The following RABGAP1L variants were observed in gnomAD, a reference collection of about 807,000 sequenced individuals.
The protein encoded by RABGAP1L is RAB GTPase activating protein 1 like.
In RABGAP1L, 63 loss-of-function variants were observed where a neutral mutation model predicts 137.7. The ratio of observed to expected loss-of-function variants is 0.46; its 90% CI spans 0.37 to 0.56. The LOEUF is 0.56. RABGAP1L is among the 20% of genes least tolerant of loss of function. The pLI is 0.00. For missense variants in RABGAP1L, 1,095 were observed against 1,244.0 expected (o/e 0.88, Z 1.80); for synonymous variants, 431 against 433.7 (o/e 0.99, Z 0.08).
chr1:174,365,883 T>C (rs1184069511), intron 11 of RABGAP1L, among the ~76,000 whole-genome samples: 1 of 152,046 alleles, frequency 6.6e-6, no homozygotes, highest in Non-Finnish European at 1.5e-5. Context: ...TTCCAGGGAG[T>C]GTGGGGGTGT....
intron 13 of RABGAP1L, among the ~76,000 whole-genome samples, chr1:174,614,632 T>C (rs1331265898): frequency 3.3e-5 from 5 of 152,232 alleles, no homozygotes; most frequent in Non-Finnish European, 5.9e-5. Context: ...CCTGCCTTGC[T>C]AGATTGGGGA....
At chr1:174,779,594 A>C (rs1385531784) in intron 18 of RABGAP1L, among the ~76,000 whole-genome samples, 1 of 152,124 alleles carries the variant, frequency 6.6e-6, no homozygotes, top group Non-Finnish European at 1.5e-5. Context: ...AGCAAACTAC[A>C]CCCCATCTAA....
intron 15 of RABGAP1L, among the ~76,000 whole-genome samples, chr1:174,689,662 T>C (rs1004265635): frequency 1.3e-5 from 2 of 152,208 alleles, no homozygotes; most frequent in Admixed American, 1.3e-4. Context: ...TCTTTTGCTA[T>C]AGCTCCTGCA....
intron 17 of RABGAP1L, among the ~76,000 whole-genome samples, chr1:174,738,472 G>A (rs1683131117): frequency 6.6e-6 from 1 of 152,130 alleles, no homozygotes; most frequent in Admixed American, 6.5e-5. Context: ...GTGGTTTCTA[G>A]GGTCTGCAGA....
At chr1:174,391,122 G>C (rs1221063737) in intron 12 of RABGAP1L, among the ~76,000 whole-genome samples, 1 of 152,164 alleles carries the variant, frequency 6.6e-6, no homozygotes, top group Non-Finnish European at 1.5e-5. Flanking sequence ...CTTGAATCCA[G>C]TGGGGCATGG....
chr1:174,380,389 T>A (rs1324425937), intron 12 of RABGAP1L, among the ~76,000 whole-genome samples: 1 of 151,826 alleles, frequency 6.6e-6, no homozygotes, highest in African/African-American at 2.4e-5. Context: ...GTACCTCTGG[T>A]AGAATTCGGC....
At chr1:174,330,585 TAAAC>T (rs35691938) in intron 11 of RABGAP1L, among the ~76,000 whole-genome samples, 29,997 of 151,264 alleles carry the variant, frequency 0.2, 3,338 homozygotes, top group Admixed American at 0.24. Flanking sequence ...ACTCTGTCTT[TAAAC>T]AAACAAACAA....
chr1:174,534,996 C>T (rs987860774), intron 13 of RABGAP1L, among the ~76,000 whole-genome samples: 2 of 152,162 alleles, frequency 1.3e-5, no homozygotes, highest in East Asian at 3.9e-4. Context: ...AGGTTATGCT[C>T]ACATCATGGT....
Position 174,353,503 on chromosome 1 carries a change from G to A in RABGAP1L, c.1466-17476G>A, listed in dbSNP as rs139302040. ...GATTACAGTCCTTGTGGCCTAGACT[G>A]CTTTTCAAGTTTATTTAGGACCCCT... On this transcript the variant is annotated intron_variant, in intron 11 of 25. Transcript: ENST00000681986. Among the ~76,000 whole-genome samples the A allele has an allele frequency of 2.7e-3, 417 of 152,258 alleles. 5 individuals carry two copies. The highest frequency in any genetic ancestry group is 9.5e-3 in the African/African-American group (394 of 41,540).
intron 13 of RABGAP1L, among the ~76,000 whole-genome samples, chr1:174,498,910 TA>T (rs1660995943): frequency 6.6e-6 from 1 of 152,160 alleles, no homozygotes; most frequent in South Asian, 2.1e-4. Flanking sequence ...AATTTGATAT[TA>T]TTTTCTTTGA....
intron 13 of RABGAP1L, among the ~76,000 whole-genome samples, chr1:174,502,675 T>C (rs1661426579): frequency 6.7e-6 from 1 of 149,888 alleles, no homozygotes; most frequent in African/African-American, 2.4e-5. Context: ...TGTGTATATA[T>C]ACATATATGT....
chr1:174,588,056 G>C (rs1005167848), intron 13 of RABGAP1L, among the ~76,000 whole-genome samples: 1 of 152,028 alleles, frequency 6.6e-6, no homozygotes. Flanking sequence ...AGTAGGGACA[G>C]ATTTTTGCAA....
intron 13 of RABGAP1L, among the ~76,000 whole-genome samples, chr1:174,531,966 A>G (rs1664448692): frequency 6.6e-6 from 1 of 152,114 alleles, no homozygotes; most frequent in Non-Finnish European, 1.5e-5. Context: ...CCAATTATGA[A>G]CATCTCCATT....
At chr1:174,321,436 T>C (rs1303248118) in intron 11 of RABGAP1L, among the ~76,000 whole-genome samples, 2 of 152,134 alleles carry the variant, frequency 1.3e-5, no homozygotes, top group African/African-American at 4.8e-5. Context: ...GTTTTGTGGC[T>C]TGGGGGGCAT....
rs899654091 is a variant in RABGAP1L, at chr1:174,632,400, T to C, written c.1711-4975T>C. ...AGTTGCTCTTCTCGAGGAGTATCTT[T>C]GTGGCATTCTCTGTATTTCCTGAAT... On this transcript the variant is annotated intron_variant, in intron 13 of 25. Transcript: ENST00000681986. Among the ~76,000 whole-genome samples, 798 of 148,592 alleles carry C rather than the reference T, an allele frequency of 5.4e-3. 8 individuals carry two copies. The highest frequency in any genetic ancestry group is 0.019 in the African/African-American group (764 of 39,374).
chr1:174,195,596 TCTTTCTTTCTTTCTTTCTTTCTTC>T (rs1309374266), intron 1 of RABGAP1L, among the ~76,000 whole-genome samples: 1 of 68,480 alleles, frequency 1.5e-5, no homozygotes, highest in Non-Finnish European at 2.8e-5. Context: ...TTTCTTTCTT[TCTTTCTTTCTTTCTTTCTTTCTTC>T]CTTCCTTCCT....
At chr1:174,502,557 A>C (rs1661380930) in intron 13 of RABGAP1L, among the ~76,000 whole-genome samples, 1 of 144,264 alleles carries the variant, frequency 6.9e-6, no homozygotes, top group Admixed American at 7.0e-5. Context: ...AACAGAGATA[A>C]TGCAGAAGAA....
chr1:174,169,655 T>G (rs1665183346), intron 1 of RABGAP1L, among the ~76,000 whole-genome samples: 1 of 152,140 alleles, frequency 6.6e-6, no homozygotes, highest in African/African-American at 2.4e-5. Context: ...CCACTGAGTA[T>G]TTACTTTTCT....
At chr1:174,205,867 AT>A (rs1668473153) in intron 1 of RABGAP1L, among the ~76,000 whole-genome samples, 1 of 152,172 alleles carries the variant, frequency 6.6e-6, no homozygotes, top group Non-Finnish European at 1.5e-5. Context: ...ATTTAAACTA[AT>A]TTGTGCAAAA....
Sources: allele counts gnomAD v4.1 joint callset (sites outside exome capture counted in the v4.1 genomes callset), GRCh38; gene constraint gnomAD v4.1.1; transcripts MANE v1.5; gene names NCBI Gene and HGNC (gene_info 2026-07-23, HGNC 2026-07-21).